The following RBM33 variants were observed in gnomAD, a reference collection of about 807,000 sequenced individuals.
RBM33 encodes RNA binding motif protein 33, also known as RNA-binding protein 33.
In RBM33, 28 loss-of-function variants were observed where a neutral mutation model predicts 132.6. The observed-to-expected ratio is 0.21, with a 90% CI of 0.16 to 0.29. The LOEUF is 0.29. Among genes scored for constraint, RBM33 ranks in the 10% least tolerant of loss-of-function variants. The pLI, the probability that RBM33 is intolerant of heterozygous loss-of-function variation, is 1.00. For missense variants in RBM33, 1,291 were observed against 1,518.5 expected, an observed-to-expected ratio of 0.85 and a Z score of 2.49; for synonymous variants, 634 against 593.0, an observed-to-expected ratio of 1.07 and a Z score of -1.01.
At chr7:155,753,311 T>A (rs1801742027) in intron 14 of RBM33, among the ~76,000 whole-genome samples, 1 of 152,252 alleles carries the variant, frequency 6.6e-6, no homozygotes, top group South Asian at 2.1e-4. Flanking sequence ...ATATTTCACA[T>A]CCTGTTTTGC....
Position 155,739,919 on chromosome 7 carries a change from C to T in RBM33, c.1942C>T (p.Pro648Ser). The T allele has an allele frequency of 6.4e-7, 1 of 1,551,644 alleles. No individual in the cohort carries two copies. Among genetic ancestry groups the T allele is most frequent in the Non-Finnish European group, 8.7e-7 (1 of 1,147,246 alleles). ...HHHHLSVPPPPLMPMSQPQFR... is the reference protein window; with the variant it reads ...HHHHLSVPPPSLMPMSQPQFR... Reference sequence around the variant, plus strand: ...CCACCACCTGTCCGTCCCGCCCCCTCCTTTGATGCCGATGTCTCAGCCACA... The same window carrying T: ...CCACCACCTGTCCGTCCCGCCCCCTTCTTTGATGCCGATGTCTCAGCCACA... Residue 648 changes from proline (P) to serine (S), a missense_variant, in exon 12 of 18, where the codon CCT (proline) becomes TCT (serine). Pro to Ser is a moderately conservative substitution (Grantham distance 74, BLOSUM62 -1). Coordinates refer to ENST00000401878, the MANE Select transcript of RBM33 (RefSeq NM_053043.3).
In RBM33 at chr7:155,644,780, C is replaced by T; in HGVS notation, c.-97C>T. Reference sequence around the variant, plus strand: ...TCTGCCTCCTGCAGCCCCCTCCCTTCTCTGTCCTCCGTCACCCGTACCCGG... The same window carrying T: ...TCTGCCTCCTGCAGCCCCCTCCCTTTTCTGTCCTCCGTCACCCGTACCCGG... On this transcript the variant is annotated 5_prime_UTR_variant, in exon 1 of 18. Transcript: ENST00000401878. The T allele has an allele frequency of 1.9e-6, 2 of 1,067,210 alleles. No individual in the cohort carries two copies. The highest frequency in any genetic ancestry group is 1.7e-5 in the African/African-American group (1 of 59,936). 66.1% of individuals were successfully genotyped at this position (1,067,210 alleles called of 1,614,324 possible).
chr7:155,673,942 T>TGTTGTTTGTTTTTTTTG (rs780547846), intron 3 of RBM33, among the ~76,000 whole-genome samples: 2 of 31,434 alleles, frequency 6.4e-5, no homozygotes, highest in East Asian at 1.6e-3. Flanking sequence ...TAGGCTTAGT[T>TGTTGTTTGTTTTTTTTG]TTTTTTTTTT....
intron 8 of RBM33, 78 bp downstream of exon 8, chr7:155,711,533 C>A: frequency 1.0e-6 from 1 of 959,160 alleles, no homozygotes; most frequent in Non-Finnish European, 1.5e-6. Flanking sequence ...TTTCCACTGA[C>A]GCGTTTTTGA....
intron 5 of RBM33, among the ~76,000 whole-genome samples, chr7:155,697,064 T>G (rs1449907080): frequency 6.6e-6 from 1 of 152,192 alleles, no homozygotes; most frequent in Non-Finnish European, 1.5e-5. Context: ...GCCAGTTTTC[T>G]TCATTGTAAT....
Position 155,744,952 on chromosome 7 carries a change from C to A in RBM33, c.2338-9C>A. On this transcript the variant is annotated splice_polypyrimidine_tract_variant and intron_variant, in intron 13 of 17. Transcript: ENST00000401878. ...TAGCAAAGTAAACCGTGTATGTTTT[C>A]CATTTTAGTTTCCTGATGAAGATGA... 6.5e-7 allele frequency: 1 copy of A among 1,544,420 alleles called. No homozygotes were observed. Among genetic ancestry groups the A allele is most frequent in the South Asian group, 1.3e-5 (1 of 78,468 alleles).
intron 9 of RBM33, among the ~76,000 whole-genome samples, chr7:155,733,349 C>T (rs572276886): frequency 7.2e-5 from 11 of 152,108 alleles, no homozygotes; most frequent in African/African-American, 1.2e-4. Flanking sequence ...TTTATTATGT[C>T]GTGAATAAAA....
intron 9 of RBM33, among the ~76,000 whole-genome samples, chr7:155,735,730 TCTCTCTCTCTCC>T (rs1801105029): frequency 1.1e-5 from 1 of 87,060 alleles, no homozygotes. Flanking sequence ...TCTCTCTCTC[TCTCTCTCTCTCC>T]CTCTCTCAGG....
At chr7:155,721,269 A>G (rs114275865) in intron 9 of RBM33, among the ~76,000 whole-genome samples, 89 of 152,250 alleles carry the variant, frequency 5.8e-4, no homozygotes, top group Non-Finnish European at 9.7e-4. Flanking sequence ...TCGGTGGTGC[A>G]CTTAGCCACA....
intron 5 of RBM33, among the ~76,000 whole-genome samples, chr7:155,692,522 T>G (rs1799674682): frequency 6.6e-6 from 1 of 152,196 alleles, no homozygotes; most frequent in South Asian, 2.1e-4. Context: ...GAGAAGTCCT[T>G]CCTGTAACAC....
At chr7:155,662,458 A>C (rs1798678581) in intron 1 of RBM33, among the ~76,000 whole-genome samples, 1 of 151,974 alleles carries the variant, frequency 6.6e-6, no homozygotes, top group South Asian at 2.1e-4. Flanking sequence ...CTTTGGCTTG[A>C]AGTCAGTTTC....
intron 14 of RBM33, among the ~76,000 whole-genome samples, chr7:155,756,215 A>G (rs1801845610): frequency 6.6e-6 from 1 of 152,258 alleles, no homozygotes; most frequent in Non-Finnish European, 1.5e-5. Context: ...AATTTGAATC[A>G]ACAGTATTTT....
At chr7:155,644,976 T>A in intron 1 of RBM33, 57 bp downstream of exon 1, 1 of 1,372,318 alleles carries the variant, frequency 7.3e-7, no homozygotes, top group African/African-American at 1.5e-5. Flanking sequence ...GGCGGGGGTG[T>A]AGGCCGGGGG....
chr7:155,742,480 T>C (rs1801381267), intron 13 of RBM33, among the ~76,000 whole-genome samples: 1 of 152,186 alleles, frequency 6.6e-6, no homozygotes, highest in Non-Finnish European at 1.5e-5. Flanking sequence ...ATATAGTTCT[T>C]CCATGAATAG....
chr7:155,649,613 C>G (rs1337413468), intron 1 of RBM33, among the ~76,000 whole-genome samples: 3 of 152,114 alleles, frequency 2.0e-5, no homozygotes, highest in African/African-American at 4.8e-5. Context: ...ATGTCCCCCC[C>G]CTTTTCTGGG....
chr7:155,710,592 G>C (rs1800252774), intron 7 of RBM33, among the ~76,000 whole-genome samples: 1 of 152,158 alleles, frequency 6.6e-6, no homozygotes, highest in Non-Finnish European at 1.5e-5. Context: ...CTAAGCAGGT[G>C]GGTCTGTGCT....
At chr7:155,662,773 A>G (rs557734140) in intron 1 of RBM33, among the ~76,000 whole-genome samples, 4 of 151,984 alleles carry the variant, frequency 2.6e-5, no homozygotes, top group Non-Finnish European at 5.9e-5. Flanking sequence ...TGTCTCAGTA[A>G]CAGTCACCCA....
intron 9 of RBM33, among the ~76,000 whole-genome samples, chr7:155,736,105 A>G (rs1018446560): frequency 1.3e-5 from 2 of 152,214 alleles, no homozygotes; most frequent in African/African-American, 4.8e-5. Context: ...AACAATCTTA[A>G]GGGTTTGTGG....
intron 14 of RBM33, among the ~76,000 whole-genome samples, chr7:155,747,512 G>C (rs527679687): frequency 6.6e-6 from 1 of 152,276 alleles, no homozygotes; most frequent in Non-Finnish European, 1.5e-5. Flanking sequence ...TCAAAGAGCA[G>C]CTTTTACACT....
Sources: gnomAD v4.1 joint callset for allele counts (sites outside exome capture counted in the v4.1 genomes callset) on GRCh38, gnomAD v4.1.1 for gene constraint, MANE v1.5 for transcripts, NCBI Gene and HGNC (gene_info 2026-07-23, HGNC 2026-07-21) for gene names.